The following IGSF11 variants were observed in gnomAD, a reference collection of about 807,000 sequenced individuals.
IGSF11 encodes the protein immunoglobulin superfamily member 11.
Under a neutral mutation model 41.0 loss-of-function variants are expected in IGSF11, and 22 were observed. That is an observed-to-expected ratio of 0.54 (90% CI 0.38 to 0.77). IGSF11 has a LOEUF of 0.77. Among genes scored for constraint, IGSF11 ranks in the 30% least tolerant of loss-of-function variants. IGSF11 has a pLI of 0.00. For missense variants in IGSF11, 444 were observed against 530.8 expected (o/e 0.84, Z 1.61); for synonymous variants, 219 against 201.3 (o/e 1.09, Z -0.74).
intron 1 of IGSF11, among the ~76,000 whole-genome samples, chr3:119,060,252 T>G (rs1942010839): frequency 6.6e-6 from 1 of 152,192 alleles, no homozygotes; most frequent in African/African-American, 2.4e-5. Flanking sequence ...TCCAGAAAGT[T>G]AGAGATATTG....
At chr3:119,039,054 T>C (rs1282947085), upstream of IGSF11, among the ~76,000 whole-genome samples, 1 of 152,216 alleles carries the variant, frequency 6.6e-6, no homozygotes, top group Non-Finnish European at 1.5e-5. Context: ...GGTGATCCGA[T>C]GAAGTCAGAT....
intron 1 of IGSF11, among the ~76,000 whole-genome samples, chr3:118,966,117 A>G (rs1320122867): frequency 6.6e-6 from 1 of 152,134 alleles, no homozygotes; most frequent in African/African-American, 2.4e-5. Flanking sequence ...GTCAGTGAAT[A>G]AAAAAGGCAG....
At chr3:119,094,597 G>GA (rs2076818949) in intron 1 of IGSF11, among the ~76,000 whole-genome samples, 1 of 150,824 alleles carries the variant, frequency 6.6e-6, no homozygotes, top group Non-Finnish European at 1.5e-5. Flanking sequence ...AAAAGAATAG[G>GA]AAAAAAGGAA....
chr3:118,949,148 AC>A lies in IGSF11; in HGVS notation c.53-18874del, dbSNP rs1944390829. Reference sequence around the variant, plus strand: ...ATAGAGGACAAAGGGCACAAGAGGCACCAGAGAGTCCACAGAAAATGTCAAC... The same window carrying A: ...ATAGAGGACAAAGGGCACAAGAGGCACAGAGAGTCCACAGAAAATGTCAAC... On this transcript the variant is annotated intron_variant, in intron 1 of 6. Transcript: ENST00000393775. The A allele has an allele frequency of 2.0e-5, 3 of 152,228 alleles. No homozygotes were observed. The South Asian group carries it at 6.2e-4, about 32-fold the overall frequency. The allele number at this position is 152,228 out of a possible 1,614,324, so 9.4% of individuals were successfully genotyped here. A position where few individuals can be genotyped will look rare whatever the true frequency, so the allele number is the denominator to read the frequency against.
At chr3:119,018,147 CT>C (rs1938931296) in intron 1 of IGSF11, among the ~76,000 whole-genome samples, 1 of 152,038 alleles carries the variant, frequency 6.6e-6, no homozygotes, top group Non-Finnish European at 1.5e-5. Context: ...AAATTGTAAA[CT>C]CTCATAGCTA....
chr3:119,109,908 G>A (rs1385389558), upstream of IGSF11, among the ~76,000 whole-genome samples: 2 of 152,156 alleles, frequency 1.3e-5, no homozygotes, highest in Admixed American at 6.5e-5. Flanking sequence ...TTTTGAGTGA[G>A]TTTCTTAATC....
chr3:118,954,103 A>C (rs1381172793), intron 1 of IGSF11, among the ~76,000 whole-genome samples: 1 of 151,992 alleles, frequency 6.6e-6, no homozygotes, highest in African/African-American at 2.4e-5. Context: ...ATTCCATTTC[A>C]TTCTTCTATT....
At position 119,065,285 on chromosome 3, in the gene IGSF11, C is replaced by T. The variant is rs866660679; in HGVS notation, c.49+39859G>A. 3.0e-4 allele frequency among the ~76,000 whole-genome samples: 45 copies of T among 152,258 alleles called. No homozygotes were observed. In the Middle Eastern group the frequency reaches 0.024, roughly 81 times the overall value. On this transcript the variant is annotated intron_variant, in intron 1 of 6. Transcript: ENST00000354673. The stretch of plus-strand genomic sequence containing the variant: ...ATGATAATGTCACCTCTCACTTTTT[C>T]TTGATGATATATAGATTGTCTTCAC...
chr3:119,015,730 C>G (rs76530299), intron 1 of IGSF11, among the ~76,000 whole-genome samples: 12,431 of 150,556 alleles, frequency 0.083, 570 homozygotes, highest in East Asian at 0.13. Flanking sequence ...TAAATATTTA[C>G]CAAATATGAA....
At chr3:119,054,508 C>T (rs1234113611) in intron 1 of IGSF11, among the ~76,000 whole-genome samples, 4 of 152,056 alleles carry the variant, frequency 2.6e-5, no homozygotes. Flanking sequence ...CAAGAACGGC[C>T]ATAATTGAAA....
Position 118,928,550 on chromosome 3 carries a change from A to G in IGSF11, c.383T>C (p.Ile128Thr), listed in dbSNP as rs142483595. The change falls in exon 3 of 7, where the codon ATA (isoleucine) becomes ACA (threonine). Residue 128 changes from isoleucine to threonine, a missense_variant. Ile to Thr is a moderately conservative substitution (Grantham distance 89, BLOSUM62 -1). This residue lies in a region of IGSF11 where 193 missense variants were observed against 283.5 expected (regional missense o/e 0.68). Coordinates refer to ENST00000393775, the MANE Select transcript of IGSF11 (RefSeq NM_001015887.3). ...GGTGACCCCAATGTTCCTGCCCCCTATGTCTGGAAGGTTGTTGACCAGGCA... is the reference window on the plus strand; with the variant it reads ...GGTGACCCCAATGTTCCTGCCCCCTGTGTCTGGAAGGTTGTTGACCAGGCA... ...YQCLVNNLPD[I>T]GGRNIGVTGL... is the part of the protein sequence containing the mutation. 6.8e-6 allele frequency: 11 copies of G among 1,613,398 alleles called. No individual in the cohort carries two copies. Among genetic ancestry groups the G allele is most frequent in the African/African-American group, 1.3e-5 (1 of 74,872 alleles).
At chr3:118,923,641 C>A (rs1942033003) in intron 4 of IGSF11, among the ~76,000 whole-genome samples, 1 of 152,184 alleles carries the variant, frequency 6.6e-6, no homozygotes, top group Non-Finnish European at 1.5e-5. Flanking sequence ...GAGTTATTTA[C>A]ATCCTACTGC....
intron 1 of IGSF11, among the ~76,000 whole-genome samples, chr3:118,946,277 T>TAA (rs11441705): frequency 3.2e-4 from 49 of 151,290 alleles, no homozygotes; most frequent in African/African-American, 1.1e-3. Context: ...AATGTTTTTT[T>TAA]AAAAAAATCA....
chr3:118,930,029 A>G, intron 2 of IGSF11, 83 bp downstream of exon 2: 2 of 1,391,474 alleles, frequency 1.4e-6, no homozygotes, highest in South Asian at 2.8e-5. Flanking sequence ...CTCGAAACCA[A>G]AGATGTACTC....
upstream of IGSF11, among the ~76,000 whole-genome samples, chr3:119,035,288 T>C (rs1940840806): frequency 6.6e-6 from 1 of 152,242 alleles, no homozygotes. Context: ...TTCAGTCCTC[T>C]CTTATAAAAC....
At chr3:119,142,611 C>G (rs892991413) in intron 1 of IGSF11, among the ~76,000 whole-genome samples, 1 of 151,882 alleles carries the variant, frequency 6.6e-6, no homozygotes, top group Non-Finnish European at 1.5e-5. Context: ...ATAAGACACC[C>G]TTAAGTGTAC....
chr3:118,901,227 T>C lies in IGSF11; in HGVS notation c.*1293A>G, dbSNP rs1938810437. On this transcript the variant is annotated 3_prime_UTR_variant, in exon 7 of 7. Coordinates refer to ENST00000393775, the MANE Select transcript of IGSF11 (RefSeq NM_001015887.3). ...AAGTGGGGGAGTTTGTAAATTAATC[T>C]GGTGAACCGCAAGGCCAGCCAAGCC... is the stretch of plus-strand genomic sequence containing the variant. The C allele has an allele frequency of 6.6e-6, 1 of 152,220 alleles. No homozygotes were observed. Among genetic ancestry groups the C allele is most frequent in the Non-Finnish European group, 1.5e-5 (1 of 68,054 alleles). The allele number at this position is 152,220 out of a possible 1,614,324, so 9.4% of individuals were successfully genotyped here.
chr3:119,049,057 A>C (rs1331972572), intron 1 of IGSF11, among the ~76,000 whole-genome samples: 8 of 151,178 alleles, frequency 5.3e-5, no homozygotes, highest in Admixed American at 3.9e-4. Flanking sequence ...AATGGGCAAA[A>C]ACTGGAAGCA....
upstream of IGSF11, among the ~76,000 whole-genome samples, chr3:119,038,132 C>G (rs1940983633): frequency 2.6e-5 from 4 of 152,018 alleles, no homozygotes; most frequent in Admixed American, 6.6e-5. Flanking sequence ...TCCCCCTCCC[C>G]CTTTGCAAAA....
Sources: gnomAD v4.1 joint callset for allele counts (sites outside exome capture counted in the v4.1 genomes callset) on GRCh38, gnomAD v4.1.1 for gene constraint, gnomAD v4.1.1 regional missense constraint, MANE v1.5 for transcripts, NCBI Gene and HGNC (gene_info 2026-07-23, HGNC 2026-07-21) for gene names.